FAM216A: variants seen among roughly 807,000 people sequenced by gnomAD.
FAM216A encodes the protein family with sequence similarity 216 member A, also known as protein FAM216A.
FAM216A carries 26 observed loss-of-function variants against 37.6 expected under a neutral mutation model. The ratio of observed to expected loss-of-function variants is 0.69; its 90% CI spans 0.51 to 0.96. The LOEUF (loss-of-function observed/expected upper bound fraction) is 0.96. FAM216A is among the 40% of genes least tolerant of loss of function. The probability of loss-of-function intolerance (pLI) is 0.00; values close to 1 mark genes in which losing one functional copy is unlikely to be tolerated. For missense variants in FAM216A, 326 were observed against 339.3 expected (o/e 0.96, Z 0.31); for synonymous variants, 110 against 121.7 (o/e 0.90, Z 0.64).
At chr12:110,473,294 C>T (rs1459737808) in intron 2 of FAM216A, among the ~76,000 whole-genome samples, 176 bp downstream of exon 2, 3 of 152,058 alleles carry the variant, frequency 2.0e-5, no homozygotes, top group African/African-American at 7.2e-5. Context: ...TCACTGCAAC[C>T]TCTGCCTCCT....
intron 2 of FAM216A, among the ~76,000 whole-genome samples, chr12:110,483,502 CT>C (rs1345483214): frequency 1.3e-5 from 2 of 151,898 alleles, no homozygotes; most frequent in Non-Finnish European, 2.9e-5. Context: ...AAAGGTTATT[CT>C]TTTATGCTGT....
chr12:110,469,023 G>C lies in FAM216A; in HGVS notation c.143+5G>C. The stretch of plus-strand genomic sequence containing the variant: ...GACCGAGGGTGGCGGCGGCGGGTGA[G>C]GTTGGGGGCCCCGGGGTAAGGGTGG... On this transcript the variant is annotated splice_donor_5th_base_variant and intron_variant, in intron 1 of 6. Transcript: ENST00000377673. 1 of 1,463,206 alleles carries C rather than the reference G, an allele frequency of 6.8e-7. No individual in the cohort carries two copies. The highest frequency in any genetic ancestry group is 9.0e-7 in the Non-Finnish European group (1 of 1,109,592). The allele number at this position is 1,463,206 out of a possible 1,614,324, so 90.6% of individuals were successfully genotyped here.
At chr12:110,488,748 TTTG>T (rs1565855447) in intron 6 of FAM216A, among the ~76,000 whole-genome samples, 1 of 152,214 alleles carries the variant, frequency 6.6e-6, no homozygotes, top group Non-Finnish European at 1.5e-5. Flanking sequence ...AACCCTATAC[TTTG>T]TTATTTCCTA....
chr12:110,479,554 G>C (rs1025382188), intron 2 of FAM216A, among the ~76,000 whole-genome samples: 3 of 150,348 alleles, frequency 2.0e-5, no homozygotes, highest in African/African-American at 7.3e-5. Flanking sequence ...AAGAAGCCTA[G>C]TAGGCTGGGC....
At position 110,490,134 on chromosome 12, in the gene FAM216A, T is replaced by C. The variant is rs752560441; in HGVS notation, c.819T>C (p.Thr273=). The change falls in exon 7 of 7, where the codon ACT becomes ACC. Residue 273 remains threonine (T), a synonymous_variant. Transcript: ENST00000377673. ...AACAGGGAGAACATCTGATGTTAAC[T>C]TGACAGTCTTGTCTCGTGTATTGAA... ...IEEQGEHLML[T] The C allele has an allele frequency of 7.0e-6, 10 of 1,434,536 alleles. No homozygotes were observed. Among genetic ancestry groups the C allele is most frequent in the South Asian group, 2.3e-5 (2 of 87,464 alleles). 88.9% of individuals were successfully genotyped at this position (1,434,536 alleles called of 1,614,324 possible). A position where few individuals can be genotyped will look rare whatever the true frequency, so the allele number is the denominator to read the frequency against.
intron 1 of FAM216A, among the ~76,000 whole-genome samples, chr12:110,470,852 TTGG>T (rs1485452214): frequency 6.6e-6 from 1 of 152,130 alleles, no homozygotes; most frequent in Non-Finnish European, 1.5e-5. Context: ...GCCCTTCAGT[TTGG>T]TTTAAGGAAC....
At chr12:110,481,281 G>C (rs530065243) in intron 2 of FAM216A, among the ~76,000 whole-genome samples, 1 of 152,282 alleles carries the variant, frequency 6.6e-6, no homozygotes, top group Admixed American at 6.5e-5. Context: ...GGAATTGCTG[G>C]ATCAGAAGTG....
intron 6 of FAM216A, among the ~76,000 whole-genome samples, chr12:110,489,479 C>T (rs1322456600): frequency 1.4e-5 from 2 of 138,298 alleles, no homozygotes; most frequent in Admixed American, 7.0e-5. Context: ...ACTCTAGTCT[C>T]CAAAAAAAAA....
chr12:110,476,060 C>T (rs1440768213), intron 2 of FAM216A, among the ~76,000 whole-genome samples: 1 of 151,356 alleles, frequency 6.6e-6, no homozygotes, highest in Non-Finnish European at 1.5e-5. Flanking sequence ...ATTTATTTAT[C>T]TCACAAAATA....
chr12:110,489,643 A>G (rs2062799957), intron 6 of FAM216A, among the ~76,000 whole-genome samples: 1 of 152,154 alleles, frequency 6.6e-6, no homozygotes, highest in South Asian at 2.1e-4. Context: ...CAAAAGGTAC[A>G]GTTAGCGGAA....
upstream of FAM216A, chr12:110,468,657 G>A (rs1375932039): frequency 3.9e-6 from 6 of 1,536,842 alleles, no homozygotes; most frequent in Non-Finnish European, 5.2e-6. Flanking sequence ...CTCCTGTGAC[G>A]CACTGCTTCC....
At position 110,490,191 on chromosome 12, in the gene FAM216A, A is replaced by G; in HGVS notation, c.*54A>G. 1.1e-6 allele frequency: 1 copy of G among 869,884 alleles called. No homozygotes were observed. 53.9% of individuals were successfully genotyped at this position (869,884 alleles called of 1,614,324 possible). A position where few individuals can be genotyped will look rare whatever the true frequency, so the allele number is the denominator to read the frequency against. ...CCAAAGGTGAGGGTAAGGGGTTGTG[A>G]GTTGTGTCCTGTATGTTTAGGATGG... On this transcript the variant is annotated 3_prime_UTR_variant, in exon 7 of 7. Coordinates refer to ENST00000377673, the MANE Select transcript of FAM216A (RefSeq NM_013300.3).
At chr12:110,478,742 G>A (rs895624072) in intron 2 of FAM216A, among the ~76,000 whole-genome samples, 4 of 152,112 alleles carry the variant, frequency 2.6e-5, no homozygotes, top group African/African-American at 9.7e-5. Flanking sequence ...GGCCTTGTGA[G>A]ATTCTAAGCA....
intron 1 of FAM216A, 134 bp downstream of exon 1, chr12:110,469,152 G>C: frequency 9.6e-7 from 1 of 1,041,388 alleles, no homozygotes; most frequent in Non-Finnish European, 1.3e-6. Context: ...GCCCTCAAGT[G>C]AGAGGCGGGG....
chr12:110,488,058 G>A (rs1450091796), intron 6 of FAM216A, 115 bp downstream of exon 6: 2 of 672,452 alleles, frequency 3.0e-6, no homozygotes, highest in Non-Finnish European at 5.1e-6. Context: ...AATATGATTT[G>A]CTTTTATTGT....
Position 110,476,565 on chromosome 12 carries a change from C to T in FAM216A, c.184+3447C>T, listed in dbSNP as rs771884993. On this transcript the variant is annotated intron_variant, in intron 2 of 6. Transcript: ENST00000377673. ...TTTTTGAGACGAAGTCTCACTCTGT[C>T]GCCCAGGCTGGAGTGTTGTTGCACA... Among the ~76,000 whole-genome samples, 12 of 150,734 alleles carry T rather than the reference C, an allele frequency of 8.0e-5. No homozygotes were observed. The South Asian group carries it at 2.1e-3, about 26-fold the overall frequency.
chr12:110,471,036 G>T (rs2062684196), intron 1 of FAM216A, among the ~76,000 whole-genome samples: 2 of 152,068 alleles, frequency 1.3e-5, no homozygotes, highest in African/African-American at 4.8e-5. Context: ...ATCTGAAAGG[G>T]GAAGTGATCT....
intron 2 of FAM216A, among the ~76,000 whole-genome samples, chr12:110,483,042 G>A (rs1047992136): frequency 1.3e-5 from 2 of 151,416 alleles, no homozygotes; most frequent in African/African-American, 2.4e-5. Context: ...GAGACATTTC[G>A]GGGCCAGGCG....
At position 110,469,029 on chromosome 12, in the gene FAM216A, G is replaced by A; in HGVS notation, c.143+11G>A. ...GGGTGGCGGCGGCGGGTGAGGTTGG[G>A]GGCCCCGGGGTAAGGGTGGCAGCAT... On this transcript the variant is annotated intron_variant, in intron 1 of 6. Coordinates refer to ENST00000377673, the MANE Select transcript of FAM216A (RefSeq NM_013300.3). 1 of 1,458,052 alleles carries A rather than the reference G, an allele frequency of 6.9e-7. No individual in the cohort carries two copies. The highest frequency in any genetic ancestry group is 1.3e-5 in the South Asian group (1 of 74,252). The allele number at this position is 1,458,052 out of a possible 1,614,324, so 90.3% of individuals were successfully genotyped here.
Sources: gnomAD v4.1 joint callset for allele counts (sites outside exome capture counted in the v4.1 genomes callset) on GRCh38, gnomAD v4.1.1 for gene constraint, MANE v1.5 for transcripts, NCBI Gene and HGNC (gene_info 2026-07-23, HGNC 2026-07-21) for gene names.